NTAQ1: variants seen among roughly 807,000 people sequenced by gnomAD.
The protein encoded by NTAQ1 is N-terminal glutamine amidase 1.
NTAQ1 carries 21 observed loss-of-function variants against 28.2 expected under a neutral mutation model. The observed-to-expected ratio is 0.74, with a 90% CI of 0.53 to 1.07. NTAQ1 has a LOEUF of 1.07. Among genes scored for constraint, NTAQ1 ranks in the 50% least tolerant of loss-of-function variants. The pLI, the probability that NTAQ1 is intolerant of heterozygous loss-of-function variation, is 0.00. For missense variants in NTAQ1, 264 were observed against 256.6 expected (o/e 1.03, Z -0.20); for synonymous variants, 105 against 90.0 (o/e 1.17, Z -0.94).
chr8:123,426,934 T>C (rs1221195107), intron 1 of NTAQ1, among the ~76,000 whole-genome samples: 1 of 152,188 alleles, frequency 6.6e-6, no homozygotes, highest in African/African-American at 2.4e-5. Flanking sequence ...CACTCCATCC[T>C]GGGCAGTGAA....
chr8:123,470,988 A>G (rs1816035495), downstream of NTAQ1, among the ~76,000 whole-genome samples: 1 of 150,896 alleles, frequency 6.6e-6, no homozygotes, highest in African/African-American at 2.4e-5. Context: ...TGGCATGATC[A>G]TAGCTCACTG....
At chr8:123,423,632 C>CT (rs1006940774) in intron 1 of NTAQ1, among the ~76,000 whole-genome samples, 5 of 151,692 alleles carry the variant, frequency 3.3e-5, no homozygotes, top group Non-Finnish European at 5.9e-5. Context: ...TCATCTCCCC[C>CT]TTTTTTTTAA....
intron 2 of NTAQ1, among the ~76,000 whole-genome samples, chr8:123,429,766 G>A (rs1814279794): frequency 6.6e-6 from 1 of 151,852 alleles, no homozygotes; most frequent in African/African-American, 2.4e-5. Context: ...TGTAATCCCA[G>A]CTACTTGGGA....
chr8:123,471,079 C>T (rs1049451750), downstream of NTAQ1, among the ~76,000 whole-genome samples: 7 of 151,902 alleles, frequency 4.6e-5, no homozygotes, highest in Non-Finnish European at 1.0e-4. Context: ...CACCACCATG[C>T]CTGGCAAATT....
At chr8:123,430,218 T>A (rs576379810) in intron 3 of NTAQ1, among the ~76,000 whole-genome samples, 185 bp downstream of exon 3, 1 of 152,354 alleles carries the variant, frequency 6.6e-6, no homozygotes, top group South Asian at 2.1e-4. Flanking sequence ...CATATTTTCT[T>A]TTAACTTTTT....
At chr8:123,457,567 T>C (rs1228284788) in intron 6 of NTAQ1, among the ~76,000 whole-genome samples, 1 of 152,204 alleles carries the variant, frequency 6.6e-6, no homozygotes, top group African/African-American at 2.4e-5. Context: ...GTGTATTTGC[T>C]TATATTTGTA....
Position 123,441,411 on chromosome 8 carries a change from G to A in NTAQ1, c.614G>A (p.Cys205Tyr). The A allele has an allele frequency of 6.2e-7, 1 of 1,604,532 alleles. No homozygotes were observed. The highest frequency in any genetic ancestry group is 1.1e-5 in the South Asian group (1 of 89,398). ...EFTHRFGSKN[C>Y] Reference sequence around the variant, plus strand: ...ACACATCGGTTTGGCAGTAAAAACTGCTGAACTTGGTCTCAAGATGTGGAA... The same window carrying A: ...ACACATCGGTTTGGCAGTAAAAACTACTGAACTTGGTCTCAAGATGTGGAA... Residue 205 changes from cysteine (C) to tyrosine (Y), a missense_variant, in exon 6 of 6, where the codon TGC (cysteine) becomes TAC (tyrosine). By Grantham distance (194) the Cys-to-Tyr change is radical. Transcript: ENST00000287387.
chr8:123,449,108 C>G (rs1815389300), downstream of NTAQ1, among the ~76,000 whole-genome samples: 1 of 152,160 alleles, frequency 6.6e-6, no homozygotes, highest in African/African-American at 2.4e-5. Flanking sequence ...CCCCATGTGG[C>G]TCTGTGGGAG....
At chr8:123,471,310 C>CT (rs1816039187), downstream of NTAQ1, among the ~76,000 whole-genome samples, 1 of 152,172 alleles carries the variant, frequency 6.6e-6, no homozygotes, top group African/African-American at 2.4e-5. Context: ...CTCAAATAAA[C>CT]TAATTACATC....
chr8:123,456,312 G>C (rs1480912969), intron 6 of NTAQ1, among the ~76,000 whole-genome samples: 1 of 152,178 alleles, frequency 6.6e-6, no homozygotes, highest in Non-Finnish European at 1.5e-5. Context: ...TTGAGACAGA[G>C]TCTTGCTCTG....
At chr8:123,474,768 T>A (rs2130453731), downstream of NTAQ1, among the ~76,000 whole-genome samples, 1 of 152,230 alleles carries the variant, frequency 6.6e-6, no homozygotes, top group East Asian at 1.9e-4. Context: ...GCGCCTATAA[T>A]CCCAGCTACT....
At chr8:123,438,041 A>G (rs1340789223) in intron 5 of NTAQ1, 1 of 623,940 alleles carries the variant, frequency 1.6e-6, no homozygotes, top group Non-Finnish European at 2.9e-6. Flanking sequence ...GATGTGTGAA[A>G]TGTCACTTTG....
At chr8:123,460,417 G>A (rs1292770298) in intron 6 of NTAQ1, among the ~76,000 whole-genome samples, 2 of 152,216 alleles carry the variant, frequency 1.3e-5, no homozygotes, top group Non-Finnish European at 2.9e-5. Flanking sequence ...ACACCATAAA[G>A]TGGAGATTCA....
chr8:123,450,565 T>A (rs1327610674), downstream of NTAQ1, among the ~76,000 whole-genome samples: 1 of 152,140 alleles, frequency 6.6e-6, no homozygotes, highest in Non-Finnish European at 1.5e-5. Flanking sequence ...TCAAAACCTG[T>A]CTGTCCTCCA....
Position 123,416,821 on chromosome 8 carries a change from G to T in NTAQ1, c.-29G>T, listed in dbSNP as rs1813319644. The T allele has an allele frequency of 5.9e-6, 9 of 1,518,672 alleles. No individual in the cohort carries two copies. The highest frequency in any genetic ancestry group is 7.1e-6 in the Non-Finnish European group (8 of 1,134,042). The allele number at this position is 1,518,672 out of a possible 1,614,324, so 94.1% of individuals were successfully genotyped here. ...CGTCTGGTCCAGTCGGTCTTCCTCC[G>T]GCCCGGGCCCTGGCCCAGCTAGCCG... is the stretch of plus-strand genomic sequence containing the variant. On this transcript the variant is annotated 5_prime_UTR_variant, in exon 1 of 6. Coordinates refer to ENST00000287387, the MANE Select transcript of NTAQ1 (RefSeq NM_018024.3).
intron 6 of NTAQ1, among the ~76,000 whole-genome samples, chr8:123,466,683 G>A (rs1181528405): frequency 6.6e-6 from 1 of 152,174 alleles, no homozygotes; most frequent in Non-Finnish European, 1.5e-5. Context: ...CTGTATACAT[G>A]GATGTGCAAA....
chr8:123,431,690 C>A (rs1814404516), intron 3 of NTAQ1, among the ~76,000 whole-genome samples: 1 of 152,144 alleles, frequency 6.6e-6, no homozygotes, highest in African/African-American at 2.4e-5. Context: ...AAGTCCCAGG[C>A]CTCTCATTGG....
chr8:123,442,691 CAG>C (rs1452556042), downstream of NTAQ1, among the ~76,000 whole-genome samples: 23 of 151,570 alleles, frequency 1.5e-4, no homozygotes, highest in Non-Finnish European at 4.4e-5. Context: ...CATTTAGAGA[CAG>C]AGTCTTGCTC....
chr8:123,471,304 A>G (rs968327886), downstream of NTAQ1, among the ~76,000 whole-genome samples: 4 of 152,296 alleles, frequency 2.6e-5, no homozygotes, highest in South Asian at 2.1e-4. Flanking sequence ...CCTCATCTCA[A>G]ATAAACTAAT....
Sources: gnomAD v4.1 joint callset for allele counts (sites outside exome capture counted in the v4.1 genomes callset) on GRCh38, gnomAD v4.1.1 for gene constraint, MANE v1.5 for transcripts, NCBI Gene and HGNC (gene_info 2026-07-23, HGNC 2026-07-21) for gene names.